ICA1: variants seen among roughly 807,000 people sequenced by gnomAD.
ICA1 encodes the protein islet cell autoantigen 1.
In ICA1, 40 loss-of-function variants were observed where a neutral mutation model predicts 71.0. The observed-to-expected ratio is 0.56, with a 90% CI of 0.44 to 0.73. The LOEUF (loss-of-function observed/expected upper bound fraction) is 0.73. Among genes scored for constraint, ICA1 ranks in the 30% least tolerant of loss-of-function variants. ICA1 has a pLI of 0.00. For missense variants in ICA1, 578 were observed against 576.5 expected (o/e 1.00, Z -0.03); for synonymous variants, 207 against 209.5 (o/e 0.99, Z 0.10).
rs559100395 is a variant in ICA1 at position 8,233,231 on chromosome 7, C to G, written c.18-476G>C. Among the ~76,000 whole-genome samples, 6 of 152,248 alleles carry G rather than the reference C, an allele frequency of 3.9e-5. No individual in the cohort carries two copies. In the South Asian group the frequency reaches 1.0e-3, roughly 26 times the overall value. ...TGCCTAAGATCTGTTACAGAGAAAT[C>G]TAAAATAGTCAAACTCACAGAAGCA... On this transcript the variant is annotated intron_variant, in intron 2 of 13. Transcript: ENST00000402384.
intron 2 of ICA1, among the ~76,000 whole-genome samples, chr7:8,233,249 C>T (rs6463785): frequency 0.47 from 71,854 of 152,084 alleles, 17,630 homozygotes; most frequent in African/African-American, 0.59. Flanking sequence ...GTCAAACTCA[C>T]AGAAGCAGAG....
rs1469539235 is a variant in ICA1 at position 8,158,652 on chromosome 7, C to A, written c.580G>T (p.Val194Leu). 6.2e-7 allele frequency: 1 copy of A among 1,613,648 alleles called. No individual in the cohort carries two copies. The highest frequency in any genetic ancestry group is 8.5e-7 in the Non-Finnish European group (1 of 1,179,872). Residue 194 changes from valine to leucine, a missense_variant and splice_region_variant, in exon 7 of 14, where the codon GTA becomes TTA. By Grantham distance (32) the Val-to-Leu change is conservative. Coordinates refer to ENST00000402384, the MANE Select transcript of ICA1 (RefSeq NM_001136020.3). Reference sequence around the variant, plus strand: ...TTTGCAAGGCGCACTTGTGTTTGTACCTATGAAAATAAAGAGGAATTTCTG... The same window carrying A: ...TTTGCAAGGCGCACTTGTGTTTGTAACTATGAAAATAAAGAGGAATTTCTG... ...LYKQMEKFRK[V>L]QTQVRLAKKN...
chr7:8,114,248 T>C, intron 13 of ICA1: 1 of 566,660 alleles, frequency 1.8e-6, no homozygotes, highest in East Asian at 3.1e-5. Flanking sequence ...GGCCTGAAGC[T>C]CCGAGAATAA....
At chr7:8,260,998 T>C (rs1207057080) in intron 1 of ICA1, among the ~76,000 whole-genome samples, 1 of 152,210 alleles carries the variant, frequency 6.6e-6, no homozygotes, top group Non-Finnish European at 1.5e-5. Context: ...TTATAGGACC[T>C]TAATGGCCAA....
intron 1 of ICA1, among the ~76,000 whole-genome samples, chr7:8,258,635 T>G (rs573346102): frequency 1.3e-5 from 2 of 152,240 alleles, no homozygotes; most frequent in Non-Finnish European, 2.9e-5. Context: ...TACAGTCACA[T>G]AGTAGGCAGG....
At chr7:8,120,222 T>C (rs1340573343) in intron 13 of ICA1, among the ~76,000 whole-genome samples, 2 of 152,238 alleles carry the variant, frequency 1.3e-5, no homozygotes, top group East Asian at 3.8e-4. Flanking sequence ...CCAAGTCACA[T>C]TCTTTTCTCC....
Position 8,114,030 on chromosome 7 carries a change from C to G in ICA1, c.1345G>C (p.Ala449Pro). The change falls in exon 14 of 14, where the codon GCC becomes CCC. Residue 449 changes from alanine to proline, a missense_variant. Ala to Pro is a conservative substitution (Grantham distance 27). Transcript: ENST00000402384. ...QASLQEPAKA[A>P]SDLTAWFSLF... Reference sequence around the variant, plus strand: ...CTGAACCAGGCAGTCAGGTCTGAGGCAGCCTTAGCAGGTTCTGGGGAGAGA... The same window carrying G: ...CTGAACCAGGCAGTCAGGTCTGAGGGAGCCTTAGCAGGTTCTGGGGAGAGA... 6.2e-7 allele frequency: 1 copy of G among 1,614,128 alleles called. No homozygotes were observed. Among genetic ancestry groups the G allele is most frequent in the Non-Finnish European group, 8.5e-7 (1 of 1,179,994 alleles).
intron 1 of ICA1, among the ~76,000 whole-genome samples, chr7:8,256,233 A>G (rs1049350793): frequency 6.6e-6 from 1 of 152,186 alleles, no homozygotes; most frequent in Non-Finnish European, 1.5e-5. Context: ...TGCCCGACCT[A>G]TCACTATATG....
intron 8 of ICA1, among the ~76,000 whole-genome samples, chr7:8,147,395 C>T (rs1290864041): frequency 6.6e-6 from 1 of 152,106 alleles, no homozygotes; most frequent in African/African-American, 2.4e-5. Context: ...GGCTGCAGTT[C>T]CAACTATTTA....
chr7:8,239,274 A>G (rs1036358028), intron 1 of ICA1, among the ~76,000 whole-genome samples: 3 of 152,220 alleles, frequency 2.0e-5, no homozygotes, highest in Non-Finnish European at 4.4e-5. Context: ...TTAAATTGCT[A>G]CTTTAAAAAA....
chr7:8,127,039 A>G (rs1395436015), intron 13 of ICA1, among the ~76,000 whole-genome samples: 2 of 151,740 alleles, frequency 1.3e-5, no homozygotes, highest in Non-Finnish European at 2.9e-5. Flanking sequence ...CAGTGGCACA[A>G]TCTTGGCTCA....
chr7:8,131,789 C>T (rs1369687476), intron 12 of ICA1, among the ~76,000 whole-genome samples: 1 of 152,216 alleles, frequency 6.6e-6, no homozygotes, highest in Non-Finnish European at 1.5e-5. Flanking sequence ...AGTCAGTTGG[C>T]TCTTGAGAAT....
At chr7:8,184,009 A>T (rs1783100519) in intron 6 of ICA1, among the ~76,000 whole-genome samples, 1 of 152,252 alleles carries the variant, frequency 6.6e-6, no homozygotes, top group South Asian at 2.1e-4. Context: ...ATGGTATATT[A>T]TCACTAACAT....
At chr7:8,153,054 A>AT in intron 8 of ICA1, among the ~76,000 whole-genome samples, 1 of 152,328 alleles carries the variant, frequency 6.6e-6, no homozygotes, top group Admixed American at 6.5e-5. Flanking sequence ...CATCACCAGC[A>AT]TCACCAACAC....
intron 9 of ICA1, among the ~76,000 whole-genome samples, chr7:8,142,908 C>G (rs1426883201): frequency 2.0e-5 from 3 of 152,126 alleles, no homozygotes; most frequent in African/African-American, 7.2e-5. Context: ...CATTCTGCAT[C>G]AAAAAATTTA....
intron 1 of ICA1, among the ~76,000 whole-genome samples, chr7:8,252,079 C>A (rs1272262491): frequency 6.6e-6 from 1 of 152,114 alleles, no homozygotes; most frequent in African/African-American, 2.4e-5. Context: ...AAATGGGTTA[C>A]CTCTGCTAAA....
chr7:8,231,827 T>C (rs191517477), intron 3 of ICA1, among the ~76,000 whole-genome samples: 2,085 of 152,332 alleles, frequency 0.014, 14 homozygotes, highest in Middle Eastern at 0.024. Context: ...AGAATAACTA[T>C]GGTTTCCACC....
At chr7:8,227,235 T>C (rs1229826564) in intron 4 of ICA1, among the ~76,000 whole-genome samples, 1 of 152,096 alleles carries the variant, frequency 6.6e-6, no homozygotes, top group Non-Finnish European at 1.5e-5. Context: ...TGTACTTTGA[T>C]TGAAAGCAGT....
At chr7:8,127,765 AAT>A (rs1350025677) in intron 13 of ICA1, 106 bp downstream of exon 13, 14 of 1,253,734 alleles carry the variant, frequency 1.1e-5, no homozygotes, top group African/African-American at 3.0e-5. Flanking sequence ...AGTCAATAAA[AAT>A]AGAGAAAACA....
Sources: gnomAD v4.1 joint callset for allele counts (sites outside exome capture counted in the v4.1 genomes callset) on GRCh38, gnomAD v4.1.1 for gene constraint, MANE v1.5 for transcripts, NCBI Gene and HGNC (gene_info 2026-07-23, HGNC 2026-07-21) for gene names.